RAB22A: variants seen among roughly 807,000 people sequenced by gnomAD.
The protein encoded by RAB22A is RAB22A, member RAS oncogene family.
In RAB22A, 13 loss-of-function variants were observed where a neutral mutation model predicts 30.2. That is an observed-to-expected ratio of 0.43 (90% CI 0.28 to 0.68). RAB22A has a LOEUF of 0.68. Ranked by LOEUF, RAB22A falls within the 30% of genes least tolerant of loss-of-function variation. RAB22A has a pLI of 0.18. For synonymous variants in RAB22A, 89 were observed against 87.2 expected (o/e 1.02, Z -0.11); for missense variants, 177 against 246.8 (o/e 0.72, Z 1.89).
intron 2 of RAB22A, among the ~76,000 whole-genome samples, chr20:58,321,834 T>C (rs1451728947): frequency 1.3e-5 from 2 of 152,206 alleles, no homozygotes; most frequent in African/African-American, 4.8e-5. Flanking sequence ...AAGGTCTTGC[T>C]CCATCTGTCA....
intron 2 of RAB22A, among the ~76,000 whole-genome samples, chr20:58,329,998 CT>C (rs891918979): frequency 2.4e-4 from 36 of 151,940 alleles, no homozygotes; most frequent in Non-Finnish European, 3.8e-4. Flanking sequence ...TATATACAGA[CT>C]TTTTTTTCTT....
chr20:58,335,228 G>A (rs1414329028), intron 2 of RAB22A, among the ~76,000 whole-genome samples: 3 of 152,200 alleles, frequency 2.0e-5, no homozygotes, highest in African/African-American at 7.2e-5. Context: ...GGCTTGTGTG[G>A]AATGGGGACA....
At chr20:58,356,202 T>G (rs1987127235) in intron 6 of RAB22A, among the ~76,000 whole-genome samples, 1 of 151,930 alleles carries the variant, frequency 6.6e-6, no homozygotes, top group Non-Finnish European at 1.5e-5. Flanking sequence ...TCCCAGCTAC[T>G]TGTGAGGCTG....
At chr20:58,316,969 CCTT>C (rs911965157) in intron 2 of RAB22A, among the ~76,000 whole-genome samples, 21 of 152,230 alleles carry the variant, frequency 1.4e-4, no homozygotes, top group African/African-American at 5.1e-4. Flanking sequence ...AAATATCCCT[CCTT>C]CTCTATTGCT....
In RAB22A at chr20:58,360,152, G is replaced by A. The variant is rs1987202863; in HGVS notation, c.*449G>A. On this transcript the variant is annotated 3_prime_UTR_variant, in exon 7 of 7. Coordinates refer to ENST00000244040, the MANE Select transcript of RAB22A (RefSeq NM_020673.3). ...AGTTGTATCATTTAACATATAGTAGGATAGTTTAAGTGTAGGGAGGACAAT... is the reference window on the plus strand; with the variant it reads ...AGTTGTATCATTTAACATATAGTAGAATAGTTTAAGTGTAGGGAGGACAAT... 6.5e-6 allele frequency: 1 copy of A among 152,930 alleles called. No homozygotes were observed. The highest frequency in any genetic ancestry group is 6.5e-5 in the Admixed American group (1 of 15,298). 9.5% of individuals were successfully genotyped at this position (152,930 alleles called of 1,614,324 possible). A position where few individuals can be genotyped will look rare whatever the true frequency, so the allele number is the denominator to read the frequency against.
rs532177661 is a variant in RAB22A, at chr20:58,319,393, C to T, written c.116+8271C>T. ...TGTGTATGGGTGTATTTCTGGATTTCCTTTTCTGTCCCATTGGTCTATTCA... is the reference window on the plus strand; with the variant it reads ...TGTGTATGGGTGTATTTCTGGATTTTCTTTTCTGTCCCATTGGTCTATTCA... On this transcript the variant is annotated intron_variant, in intron 2 of 6. Coordinates refer to ENST00000244040, the MANE Select transcript of RAB22A (RefSeq NM_020673.3). Among the ~76,000 whole-genome samples the T allele has an allele frequency of 6.8e-4, 103 of 152,280 alleles. No individual in the cohort carries two copies. In the Middle Eastern group the frequency reaches 0.031, roughly 45 times the overall value.
chr20:58,310,629 C>T (rs1159619037), intron 1 of RAB22A, among the ~76,000 whole-genome samples: 1 of 152,164 alleles, frequency 6.6e-6, no homozygotes, highest in East Asian at 1.9e-4. Flanking sequence ...GCTGTCATTC[C>T]AGAGTTTCTG....
At position 58,361,371 on chromosome 20, in the gene RAB22A, C is replaced by A. The variant is rs908914670; in HGVS notation, c.*1668C>A. On this transcript the variant is annotated 3_prime_UTR_variant, in exon 7 of 7. Coordinates refer to ENST00000244040, the MANE Select transcript of RAB22A (RefSeq NM_020673.3). ...ATTATAATTCAGATTAAATAAAAAA[C>A]AATTCCCTTTTCCCTGTTGTATATC... 1.3e-5 allele frequency: 2 copies of A among 152,314 alleles called. No individual in the cohort carries two copies. Among genetic ancestry groups the A allele is most frequent in the African/African-American group, 4.8e-5 (2 of 41,430 alleles). 9.4% of individuals were successfully genotyped at this position (152,314 alleles called of 1,614,324 possible).
rs533221206 is a variant in RAB22A at position 58,316,849 on chromosome 20, C to G, written c.116+5727C>G. 2.0e-4 allele frequency among the ~76,000 whole-genome samples: 30 copies of G among 152,280 alleles called. No homozygotes were observed. In the South Asian group the frequency reaches 6.0e-3, roughly 31 times the overall value. The stretch of plus-strand genomic sequence containing the variant: ...GGGGTAGAGGAAAGGACCAACTGTC[C>G]TCAGGTACTCAAGCCAGCAACCTCA... On this transcript the variant is annotated intron_variant, in intron 2 of 6. Transcript: ENST00000244040.
At chr20:58,347,847 ACACAT>A (rs1324505351) in intron 3 of RAB22A, among the ~76,000 whole-genome samples, 1 of 152,214 alleles carries the variant, frequency 6.6e-6, no homozygotes, top group East Asian at 1.9e-4. Context: ...GACAGACACA[ACACAT>A]ATATTAAAAA....
chr20:58,309,717 G>A lies in RAB22A; in HGVS notation c.-260G>A, dbSNP rs1713894116. The A allele has an allele frequency of 4.7e-6, 1 of 214,656 alleles. No individual in the cohort carries two copies. Among genetic ancestry groups the A allele is most frequent in the South Asian group, 1.8e-4 (1 of 5,662 alleles). The allele number at this position is 214,656 out of a possible 1,614,324, so 13.3% of individuals were successfully genotyped here. A position where few individuals can be genotyped will look rare whatever the true frequency, so the allele number is the denominator to read the frequency against. The stretch of plus-strand genomic sequence containing the variant: ...CTGCCGAGGTGGGCGGGGAGGTCAG[G>A]TGACGCGGCCGGCGTCCCAAGATGG... On this transcript the variant is annotated 5_prime_UTR_variant, in exon 1 of 7. In the 5' UTR this introduces an upstream ATG that the reference lacks. Coordinates refer to ENST00000244040, the MANE Select transcript of RAB22A (RefSeq NM_020673.3).
intron 3 of RAB22A, among the ~76,000 whole-genome samples, chr20:58,348,599 T>C (rs1986990243): frequency 6.6e-6 from 1 of 152,106 alleles, no homozygotes; most frequent in South Asian, 2.1e-4. Flanking sequence ...GCAGACAGAA[T>C]TTACACATAT....
chr20:58,346,664 C>T (rs1344173671), intron 3 of RAB22A, among the ~76,000 whole-genome samples: 1 of 152,212 alleles, frequency 6.6e-6, no homozygotes, highest in African/African-American at 2.4e-5. Flanking sequence ...TGTCTACCTA[C>T]CTTCATTGAC....
At position 58,364,752 on chromosome 20, in the gene RAB22A, T is replaced by C. The variant is rs531351529; in HGVS notation, c.*5049T>C. The C allele has an allele frequency of 6.6e-6, 1 of 151,678 alleles. No individual in the cohort carries two copies. The highest frequency in any genetic ancestry group is 1.5e-5 in the Non-Finnish European group (1 of 67,942). 9.4% of individuals were successfully genotyped at this position (151,678 alleles called of 1,614,324 possible). On this transcript the variant is annotated 3_prime_UTR_variant, in exon 7 of 7. Coordinates refer to ENST00000244040, the MANE Select transcript of RAB22A (RefSeq NM_020673.3). ...TTTTTCTTTTTTTTTTTTTTTCTTT[T>C]TTTAGATGGAGTCTCACTCTGTCGC...
chr20:58,310,150 G>C (rs1012714245), intron 1 of RAB22A, 138 bp downstream of exon 1: 7 of 890,860 alleles, frequency 7.9e-6, no homozygotes, highest in Non-Finnish European at 1.0e-5. Flanking sequence ...CCTCCCTCCA[G>C]CTCGGGAGCC....
intron 2 of RAB22A, among the ~76,000 whole-genome samples, chr20:58,312,012 A>G (rs762949030): frequency 5.9e-5 from 9 of 152,006 alleles, no homozygotes; most frequent in African/African-American, 1.9e-4. Context: ...CTGCGGTGCA[A>G]TGGCGCAATC....
chr20:58,344,665 TGTACCAGAA>T (rs1367420565), intron 3 of RAB22A, among the ~76,000 whole-genome samples: 1 of 152,196 alleles, frequency 6.6e-6, no homozygotes, highest in African/African-American at 2.4e-5. Context: ...CTCTTAAAAG[TGTACCAGAA>T]GTAATCAGGA....
intron 2 of RAB22A, among the ~76,000 whole-genome samples, chr20:58,340,809 C>T (rs1228719700): frequency 6.6e-6 from 1 of 152,140 alleles, no homozygotes; most frequent in African/African-American, 2.4e-5. Context: ...GGGTAGATGG[C>T]ACAGGTGTCT....
chr20:58,338,105 C>T (rs192413388), intron 2 of RAB22A, among the ~76,000 whole-genome samples: 1 of 152,004 alleles, frequency 6.6e-6, no homozygotes, highest in Non-Finnish European at 1.5e-5. Flanking sequence ...CAGCTCACTG[C>T]ATCCTCCATC....
Sources: gnomAD v4.1 joint callset for allele counts (sites outside exome capture counted in the v4.1 genomes callset) on GRCh38, gnomAD v4.1.1 for gene constraint, MANE v1.5 for transcripts, NCBI Gene and HGNC (gene_info 2026-07-23, HGNC 2026-07-21) for gene names.